The following SCNN1B variants were observed in gnomAD, a reference collection of about 807,000 sequenced individuals.
SCNN1B encodes the protein sodium channel epithelial 1 subunit beta.
In SCNN1B, 46 loss-of-function variants were observed where a neutral mutation model predicts 65.3. The ratio of observed to expected loss-of-function variants is 0.70; its 90% CI spans 0.56 to 0.90. The LOEUF (loss-of-function observed/expected upper bound fraction) is 0.90, where lower values mean the gene tolerates loss of function less well. SCNN1B is among the 40% of genes least tolerant of loss of function. SCNN1B has a pLI of 0.00. For synonymous variants in SCNN1B, 349 were observed against 330.6 expected (o/e 1.06, Z -0.60); for missense variants, 751 against 830.5 (o/e 0.90, Z 1.18).
chr16:23,360,887 C>T (rs563974756), intron 4 of SCNN1B, among the ~76,000 whole-genome samples: 78 of 152,146 alleles, frequency 5.1e-4, no homozygotes, highest in African/African-American at 1.8e-3. Context: ...CTCCGCCTCC[C>T]GGGTTCATAC....
At chr16:23,359,958 T>C (rs1962503832) in intron 4 of SCNN1B, among the ~76,000 whole-genome samples, 1 of 152,090 alleles carries the variant, frequency 6.6e-6, no homozygotes, top group South Asian at 2.1e-4. Context: ...ATCCCAGCAC[T>C]TTGGGAAGCC....
intron 1 of SCNN1B, among the ~76,000 whole-genome samples, chr16:23,302,674 A>G (rs1007384622): frequency 4.6e-5 from 7 of 152,146 alleles, no homozygotes; most frequent in Admixed American, 3.9e-4. Flanking sequence ...CAGAAGGCAG[A>G]CGGGGCCAGG....
At chr16:23,304,072 G>T (rs569121355) in intron 1 of SCNN1B, 4 of 1,535,948 alleles carry the variant, frequency 2.6e-6, no homozygotes, top group Admixed American at 3.9e-5. Flanking sequence ...AATGCCTACC[G>T]ATGGGAATTT....
intron 2 of SCNN1B, among the ~76,000 whole-genome samples, chr16:23,294,938 A>G (rs1323499977): frequency 6.6e-6 from 1 of 151,874 alleles, no homozygotes; most frequent in East Asian, 1.9e-4. Flanking sequence ...GGTGGCAGTG[A>G]GCCGAGATCA....
At chr16:23,377,407 G>A (rs2142045564) in intron 10 of SCNN1B, 21 bp downstream of exon 10, 1 of 1,613,426 alleles carries the variant, frequency 6.2e-7, no homozygotes, top group East Asian at 2.2e-5. Context: ...TGGGGGCCAA[G>A]CTCCTGGCTC....
chr16:23,337,614 G>C (rs1273523692), intron 1 of SCNN1B, among the ~76,000 whole-genome samples: 1 of 151,828 alleles, frequency 6.6e-6, no homozygotes, highest in Non-Finnish European at 1.5e-5. Context: ...CTGACCTCAG[G>C]TGATCCACTC....
At chr16:23,293,923 T>TA (rs1567286263) in intron 2 of SCNN1B, among the ~76,000 whole-genome samples, 1 of 151,766 alleles carries the variant, frequency 6.6e-6, no homozygotes, top group South Asian at 2.1e-4. Flanking sequence ...AACCCTGTCT[T>TA]AAAAAAAGAA....
chr16:23,377,232 G>T lies in SCNN1B; in HGVS notation c.1338G>T (p.Glu446Asp). The T allele has an allele frequency of 6.2e-7, 1 of 1,614,230 alleles. No homozygotes were observed. The stretch of plus-strand genomic sequence containing the variant: ...AGACCTGCATTGGCATGTGCAAGGA[G>T]TCCTGCAAGTGAGTGCGGGTGGGCG... Reference protein sequence around the residue: ...QRETCIGMCKESCNDTQYKMT... With the variant: ...QRETCIGMCKDSCNDTQYKMT... Residue 446 changes from glutamate (E) to aspartate (D), a missense_variant, in exon 9 of 13, where the codon GAG becomes GAT. By Grantham distance (45) the Glu-to-Asp change is conservative (BLOSUM62 2). Coordinates refer to ENST00000343070, the MANE Select transcript of SCNN1B (RefSeq NM_000336.3).
At chr16:23,327,506 C>G (rs1241838129) in intron 1 of SCNN1B, among the ~76,000 whole-genome samples, 2 of 152,102 alleles carry the variant, frequency 1.3e-5, no homozygotes, top group South Asian at 4.1e-4. Flanking sequence ...TGCACTCCAG[C>G]CTGGGAGGCA....
chr16:23,301,725 G>A (rs1452693514), upstream of SCNN1B, among the ~76,000 whole-genome samples: 3 of 152,238 alleles, frequency 2.0e-5, no homozygotes, highest in Non-Finnish European at 2.9e-5. Context: ...CAATCTCGGG[G>A]TGGGCTGTTT....
upstream of SCNN1B, among the ~76,000 whole-genome samples, chr16:23,301,928 A>G (rs1961092090): frequency 1.3e-5 from 2 of 151,978 alleles, no homozygotes. Context: ...GCGCGCCTGT[A>G]CTGGTGAGCG....
chr16:23,309,082 A>T (rs1408490918), intron 1 of SCNN1B, among the ~76,000 whole-genome samples: 2 of 152,312 alleles, frequency 1.3e-5, no homozygotes, highest in South Asian at 4.1e-4. Context: ...TCTGGAGGGT[A>T]TATCATAAGA....
Position 23,380,348 on chromosome 16 carries a change from C to T in SCNN1B, c.1543-73C>T. 3.1e-6 allele frequency: 5 copies of T among 1,610,942 alleles called. No individual in the cohort carries two copies. The highest frequency in any genetic ancestry group is 3.4e-6 in the Non-Finnish European group (4 of 1,178,430). ...CCGTTCCCACCCAAGAATCACCTCC[C>T]AGGAAGCTGTGAGGCTGGGCTAGAG... On this transcript the variant is annotated intron_variant, in intron 12 of 12. Coordinates refer to ENST00000343070, the MANE Select transcript of SCNN1B (RefSeq NM_000336.3). This position sits in a 1 kb window ranked among gnomAD's most constrained non-coding sequence, Gnocchi z 5.4.
chr16:23,299,487 C>A (rs566220313), upstream of SCNN1B, among the ~76,000 whole-genome samples: 47 of 152,290 alleles, frequency 3.1e-4, no homozygotes, highest in African/African-American at 1.0e-3. Flanking sequence ...TCCCAGAGAT[C>A]CTTTCAGGAG....
intron 4 of SCNN1B, among the ~76,000 whole-genome samples, chr16:23,362,111 G>A (rs534352473): frequency 1.3e-4 from 20 of 152,058 alleles, no homozygotes; most frequent in South Asian, 6.2e-4. Context: ...TTGGGAGGCC[G>A]AGGTGGAAGG....
At chr16:23,289,971 C>T (rs1052736451) in intron 2 of SCNN1B, among the ~76,000 whole-genome samples, 15 of 151,976 alleles carry the variant, frequency 9.9e-5, no homozygotes, top group Admixed American at 9.8e-4. Flanking sequence ...TCACTGCACC[C>T]GACCCAATAT....
intron 8 of SCNN1B, among the ~76,000 whole-genome samples, chr16:23,376,630 C>T (rs1336389700): frequency 6.6e-6 from 1 of 151,706 alleles, no homozygotes; most frequent in Non-Finnish European, 1.5e-5. Flanking sequence ...ATTTTGTCAG[C>T]AGGGTGCAGT....
In SCNN1B at chr16:23,348,336, A is replaced by G. The variant is rs1962229987; in HGVS notation, c.-8-256A>G. ...CTTGTCCATTTTGCTCATTGAGTCC[A>G]GAAGGACCATTTGAGTGCCTGGCAT... On this transcript the variant is annotated intron_variant, in intron 1 of 12. Coordinates refer to ENST00000343070, the MANE Select transcript of SCNN1B (RefSeq NM_000336.3). This position sits in a 1 kb window ranked among gnomAD's most constrained non-coding sequence, Gnocchi z 4.5. Among the ~76,000 whole-genome samples the G allele has an allele frequency of 6.6e-6, 1 of 152,180 alleles. No homozygotes were observed. The highest frequency in any genetic ancestry group is 2.1e-4 in the South Asian group (1 of 4,828).
At chr16:23,353,550 A>T (rs1962356624) in intron 3 of SCNN1B, among the ~76,000 whole-genome samples, 1 of 152,186 alleles carries the variant, frequency 6.6e-6, no homozygotes, top group South Asian at 2.1e-4. Flanking sequence ...GACTCATTAG[A>T]TCACATGCTC....
Sources: gnomAD v4.1 joint callset for allele counts (sites outside exome capture counted in the v4.1 genomes callset) on GRCh38, gnomAD v4.1.1 for gene constraint, Gnocchi (gnomAD v3.1) non-coding constraint, MANE v1.5 for transcripts, NCBI Gene and HGNC (gene_info 2026-07-23, HGNC 2026-07-21) for gene names.